The following LAMC1 variants were observed in gnomAD, a reference collection of about 807,000 sequenced individuals.
The protein encoded by LAMC1 is laminin subunit gamma-1.
A neutral mutation model predicts 173.6 loss-of-function variants in LAMC1; 38 were observed. That is an observed-to-expected ratio of 0.22 (90% confidence interval 0.17 to 0.29). LAMC1 has a LOEUF of 0.29. Ranked by LOEUF, LAMC1 falls within the 10% of genes least tolerant of loss-of-function variation. The pLI, the probability that LAMC1 is intolerant of heterozygous loss-of-function variation, is 1.00. For missense variants in LAMC1, 1,824 were observed against 2,051.8 expected (o/e 0.89, Z 2.14); for synonymous variants, 746 against 749.1 (o/e 1.00, Z 0.07).
chr1:183,118,968 G>A (rs553941190), intron 11 of LAMC1, among the ~76,000 whole-genome samples: 21 of 151,844 alleles, frequency 1.4e-4, no homozygotes, highest in Non-Finnish European at 2.8e-4. Context: ...GCATGATCTT[G>A]GCTCACTGCA....
chr1:183,122,131 G>C lies in LAMC1; in HGVS notation c.2281G>C (p.Asp761His). Residue 761 changes from aspartate to histidine, a missense_variant, in exon 13 of 28, where the codon GAT becomes CAT. Asp to His is a moderately conservative substitution (Grantham distance 81). Transcript: ENST00000258341. ...CEKCSDGYYG[D>H]STAGTSSDCQ... ...GAAGTGCAGTGATGGGTACTATGGA[G>C]ATTCAACTGCAGGCACCTCCTCCGA... 1.2e-6 allele frequency: 2 copies of C among 1,614,228 alleles called. No homozygotes were observed. The highest frequency in any genetic ancestry group is 1.7e-6 in the Non-Finnish European group (2 of 1,180,026).
chr1:183,131,358 G>C lies in LAMC1; in HGVS notation c.3546G>C (p.Glu1182Asp). The change falls in exon 20 of 28, where the codon GAG (glutamate) becomes GAC (aspartate). Residue 1182 changes from glutamate (E) to aspartate (D), a missense_variant. Glu to Asp is a conservative substitution (Grantham distance 45). Coordinates refer to ENST00000258341, the MANE Select transcript of LAMC1 (RefSeq NM_002293.4). Reference protein sequence around the residue: ...DPNNMTLLAEEARKLAERHKQ... With the variant: ...DPNNMTLLAEDARKLAERHKQ... ...ACAACATGACTCTTTTGGCAGAAGAGGCTCGAAAGCTTGCTGAACGGTAAC... is the reference window on the plus strand; with the variant it reads ...ACAACATGACTCTTTTGGCAGAAGACGCTCGAAAGCTTGCTGAACGGTAAC... 6.2e-7 allele frequency: 1 copy of C among 1,613,528 alleles called. No individual in the cohort carries two copies.
At chr1:183,051,742 A>G (rs1372808365) in intron 1 of LAMC1, among the ~76,000 whole-genome samples, 1 of 152,200 alleles carries the variant, frequency 6.6e-6, no homozygotes, top group Admixed American at 6.5e-5. Flanking sequence ...GGCTTTAACT[A>G]GAGAGCCATG....
intron 3 of LAMC1, among the ~76,000 whole-genome samples, chr1:183,109,455 G>A (rs1323908836): frequency 6.6e-6 from 1 of 152,206 alleles, no homozygotes; most frequent in Non-Finnish European, 1.5e-5. Context: ...AATGTTACCA[G>A]GACTTCAGTC....
chr1:183,092,784 G>T (rs1029195480), intron 1 of LAMC1, among the ~76,000 whole-genome samples: 1 of 152,006 alleles, frequency 6.6e-6, no homozygotes, highest in African/African-American at 2.4e-5. Context: ...GATGAAAGGG[G>T]CTCTCTTTCT....
chr1:183,080,681 C>T (rs11810778), intron 1 of LAMC1, among the ~76,000 whole-genome samples: 17,781 of 151,872 alleles, frequency 0.12, 1,172 homozygotes, highest in Admixed American at 0.2. Context: ...CTAGTTAAAT[C>T]TCAACCATTA....
intron 1 of LAMC1, among the ~76,000 whole-genome samples, chr1:183,024,401 G>C (rs182511615): frequency 6.6e-6 from 1 of 152,306 alleles, no homozygotes; most frequent in East Asian, 1.9e-4. Flanking sequence ...TGATTATTCT[G>C]CATTTCGGCT....
At chr1:183,140,356 A>AGAT in intron 26 of LAMC1, 48 bp from the exon 27 acceptor site, 1 of 1,132,622 alleles carries the variant, frequency 8.8e-7, no homozygotes, top group Non-Finnish European at 1.3e-6. Context: ...GATTTAAAGA[A>AGAT]GATGAAAACA....
intron 1 of LAMC1, among the ~76,000 whole-genome samples, chr1:183,063,016 T>C (rs1654780909): frequency 6.6e-6 from 1 of 152,212 alleles, no homozygotes; most frequent in Non-Finnish European, 1.5e-5. Context: ...ACAGTAGTTA[T>C]CAGTTAAGTA....
intron 21 of LAMC1, 40 bp downstream of exon 21, chr1:183,132,577 T>C (rs1334248021): frequency 6.5e-7 from 1 of 1,529,290 alleles, no homozygotes; most frequent in Admixed American, 1.7e-5. Flanking sequence ...CCTTCAGGTG[T>C]TCTGGTAAGT....
At position 183,058,152 on chromosome 1, in the gene LAMC1, TA is replaced by T. The variant is rs530193873; in HGVS notation, c.418+34021del. 6.6e-4 allele frequency among the ~76,000 whole-genome samples: 100 copies of T among 152,370 alleles called. 1 individual carries two copies. The highest frequency in any genetic ancestry group is 2.1e-3 in the African/African-American group (88 of 41,588). Reference sequence around the variant, plus strand: ...TCTATTGGCTACTTCATTTCTGTTCTAAATGTAGTAAGTTCTTGGAAGTGTA... The same window carrying T: ...TCTATTGGCTACTTCATTTCTGTTCTAATGTAGTAAGTTCTTGGAAGTGTA... On this transcript the variant is annotated intron_variant, in intron 1 of 27. Coordinates refer to ENST00000258341, the MANE Select transcript of LAMC1 (RefSeq NM_002293.4).
chr1:183,125,370 T>G (rs376662027), intron 14 of LAMC1, 27 bp from the exon 15 acceptor site: 273 of 1,611,950 alleles, frequency 1.7e-4, no homozygotes, highest in Non-Finnish European at 2.1e-4. Flanking sequence ...ATTTGTGTCT[T>G]TTGCCATCTC....
chr1:183,122,292 A>G (rs2102091655), intron 13 of LAMC1, 41 bp downstream of exon 13: 1 of 1,584,584 alleles, frequency 6.3e-7, no homozygotes, highest in Middle Eastern at 1.7e-4. Context: ...GTTCCCTTCT[A>G]TAAAAAGACC....
chr1:183,048,332 T>C (rs962911829), intron 1 of LAMC1, among the ~76,000 whole-genome samples: 5 of 152,220 alleles, frequency 3.3e-5, no homozygotes, highest in Admixed American at 2.6e-4. Context: ...TGACCTGTTA[T>C]ACCTACTTAG....
chr1:183,050,750 G>A (rs28533496), intron 1 of LAMC1, among the ~76,000 whole-genome samples: 6 of 150,008 alleles, frequency 4.0e-5, no homozygotes, highest in Non-Finnish European at 7.4e-5. Context: ...AATTAGCTGA[G>A]TCTGGTGGTG....
At chr1:183,024,218 C>G in intron 1 of LAMC1, 84 bp downstream of exon 1, 1 of 1,328,112 alleles carries the variant, frequency 7.5e-7, no homozygotes, top group South Asian at 1.5e-5. Context: ...GCCGGCCTCA[C>G]GGGCGCAGAC....
At chr1:183,066,914 T>C (rs773155118) in intron 1 of LAMC1, among the ~76,000 whole-genome samples, 2 of 152,160 alleles carry the variant, frequency 1.3e-5, no homozygotes, top group Non-Finnish European at 2.9e-5. Context: ...TGTGTACCTA[T>C]GTAACAAACC....
intron 1 of LAMC1, among the ~76,000 whole-genome samples, chr1:183,047,118 ATAT>A (rs1219928204): frequency 2.6e-5 from 4 of 152,146 alleles, no homozygotes; most frequent in African/African-American, 9.6e-5. Flanking sequence ...TAGTATACAG[ATAT>A]TATTCACCTT....
intron 1 of LAMC1, among the ~76,000 whole-genome samples, chr1:183,034,284 T>C (rs544504162): frequency 6.6e-6 from 1 of 152,230 alleles, no homozygotes; most frequent in Non-Finnish European, 1.5e-5. Flanking sequence ...TTGAAACTTT[T>C]TTCTGAGATG....
Sources: allele counts gnomAD v4.1 joint callset (sites outside exome capture counted in the v4.1 genomes callset), GRCh38; gene constraint gnomAD v4.1.1; transcripts MANE v1.5; gene names NCBI Gene and HGNC (gene_info 2026-07-23, HGNC 2026-07-21).